The following PIK3R1 variants were observed in gnomAD, a reference collection of about 807,000 sequenced individuals.
PIK3R1 encodes phosphatidylinositol 3-kinase regulatory subunit alpha.
PIK3R1 carries 29 observed loss-of-function variants against 98.0 expected under a neutral mutation model. That is an observed-to-expected ratio of 0.30 (90% CI 0.22 to 0.40). The LOEUF (loss-of-function observed/expected upper bound fraction) is 0.40, where lower values mean the gene tolerates loss of function less well. PIK3R1 is among the 10% of genes least tolerant of loss of function. PIK3R1 has a pLI of 1.00. For missense variants in PIK3R1, 596 were observed against 872.7 expected, an observed-to-expected ratio of 0.68 and a Z score of 3.99; for synonymous variants, 282 against 311.8, an observed-to-expected ratio of 0.90 and a Z score of 1.01.
At chr5:68,255,836 G>A (rs1745493275) in intron 2 of PIK3R1, among the ~76,000 whole-genome samples, 1 of 152,190 alleles carries the variant, frequency 6.6e-6, no homozygotes, top group South Asian at 2.1e-4. Context: ...CCAAAAAGTG[G>A]TGATTATTTG....
rs558284232 is a variant in PIK3R1, at chr5:68,242,689, C to T, written c.334+15680C>T. On this transcript the variant is annotated intron_variant, in intron 2 of 15. Transcript: ENST00000521381. ...GAAATGGGAGGTATGCTGAGTTGAA[C>T]GGGATAGCCCAAGGCCTGTCCATGA... Among the ~76,000 whole-genome samples the T allele has an allele frequency of 6.6e-5, 10 of 152,286 alleles. No individual in the cohort carries two copies. The South Asian group carries it at 1.0e-3, about 16-fold the overall frequency.
intron 14 of PIK3R1, 66 bp from the exon 15 acceptor site, chr5:68,296,105 A>G: frequency 4.0e-6 from 6 of 1,509,212 alleles, no homozygotes; most frequent in Non-Finnish European, 4.6e-6. Flanking sequence ...TGCCTAGGGA[A>G]GACAGCAAGG....
In PIK3R1 at chr5:68,226,395, C is replaced by A; in HGVS notation, c.-281C>A. The A allele has an allele frequency of 2.1e-6, 1 of 474,696 alleles. No individual in the cohort carries two copies. The highest frequency in any genetic ancestry group is 5.4e-5 in the South Asian group (1 of 18,400). The allele number at this position is 474,696 out of a possible 1,614,324, so 29.4% of individuals were successfully genotyped here. A position where few individuals can be genotyped will look rare whatever the true frequency, so the allele number is the denominator to read the frequency against. The stretch of plus-strand genomic sequence containing the variant: ...CTCGCTGTGAGAGTCAGCCTGGATT[C>A]AAAGTGTTGACAAGTTGCTGAAAAG... On this transcript the variant is annotated 5_prime_UTR_variant, in exon 2 of 16. Transcript: ENST00000521381.
chr5:68,224,309 G>A lies in PIK3R1; in HGVS notation c.-386-1981G>A, dbSNP rs571195724. ...AATTTGATTCTGGATCTTTCAAAAG[G>A]AAAGGCTTTCTTTAAACAAATAATA... On this transcript the variant is annotated intron_variant, in intron 1 of 15. Coordinates refer to ENST00000521381, the MANE Select transcript of PIK3R1 (RefSeq NM_181523.3). Among the ~76,000 whole-genome samples, 4 of 152,256 alleles carry A rather than the reference G, an allele frequency of 2.6e-5. No homozygotes were observed. In the East Asian group the frequency reaches 7.7e-4, roughly 29 times the overall value.
chr5:68,293,771 T>G lies in PIK3R1; in HGVS notation c.1362T>G (p.Thr454=), dbSNP rs1561298147. ...AVGKKLHEYN[T]QFQEKSREYD... ...GGAAAAAATTACATGAATATAACAC[T>G]CAGTTTCAAGAAAAAAGTCGAGAAT... Residue 454 remains threonine, a synonymous_variant, in exon 11 of 16, where the codon ACT becomes ACG. Coordinates refer to ENST00000521381, the MANE Select transcript of PIK3R1 (RefSeq NM_181523.3). 1 of 1,552,788 alleles carries G rather than the reference T, an allele frequency of 6.4e-7. No homozygotes were observed.
At chr5:68,286,472 A>G (rs1308643517) in intron 7 of PIK3R1, among the ~76,000 whole-genome samples, 2 of 152,220 alleles carry the variant, frequency 1.3e-5, no homozygotes, top group Non-Finnish European at 2.9e-5. Context: ...TTTTCTCCCA[A>G]AGCAGGAATT....
At chr5:68,279,492 C>T (rs1746727478) in intron 4 of PIK3R1, 110 bp from the exon 5 acceptor site, 1 of 781,384 alleles carries the variant, frequency 1.3e-6, no homozygotes, top group Non-Finnish European at 2.0e-6. Flanking sequence ...ATATTGCTTC[C>T]TTATTTTTTT....
Position 68,226,926 on chromosome 5 carries a change from C to G in PIK3R1, c.251C>G (p.Pro84Arg), listed in dbSNP as rs772928652. Residue 84 changes from proline to arginine, a missense_variant, in exon 2 of 16, where the codon CCT becomes CGT. Transcript: ENST00000521381. The stretch of plus-strand genomic sequence containing the variant: ...TATATTGGAAGGAAAAAAATCTCGC[C>G]TCCCACACCAAAGCCCCGGCCACCT... ...VEYIGRKKIS[P>R]PTPKPRPPRP... The G allele has an allele frequency of 1.2e-6, 2 of 1,614,144 alleles. No individual in the cohort carries two copies. The highest frequency in any genetic ancestry group is 2.2e-5 in the South Asian group (2 of 91,086).
chr5:68,232,547 G>A (rs1190728503), intron 2 of PIK3R1, among the ~76,000 whole-genome samples: 1 of 152,180 alleles, frequency 6.6e-6, no homozygotes, highest in Non-Finnish European at 1.5e-5. Context: ...GTTATTTGAA[G>A]GGAATCACTT....
At chr5:68,282,175 G>A (rs1446760048) in intron 7 of PIK3R1, among the ~76,000 whole-genome samples, 3 of 152,176 alleles carry the variant, frequency 2.0e-5, no homozygotes, top group Non-Finnish European at 2.9e-5. Context: ...GGTAAACTAC[G>A]TCAAAGAAGA....
At chr5:68,262,306 T>C (rs1164953527) in intron 2 of PIK3R1, among the ~76,000 whole-genome samples, 1 of 151,068 alleles carries the variant, frequency 6.6e-6, no homozygotes, top group Non-Finnish European at 1.5e-5. Flanking sequence ...CACTCATTAC[T>C]CAAATATCAC....
intron 2 of PIK3R1, among the ~76,000 whole-genome samples, chr5:68,271,793 A>T (rs1225069994): frequency 7.4e-6 from 1 of 134,462 alleles, no homozygotes; most frequent in East Asian, 2.1e-4. Flanking sequence ...AGGTGGAAAG[A>T]TCATGCATCC....
chr5:68,247,154 G>A (rs1745131038), intron 2 of PIK3R1, among the ~76,000 whole-genome samples: 1 of 152,160 alleles, frequency 6.6e-6, no homozygotes. Flanking sequence ...CCTGTGCTTT[G>A]AATTTATCAT....
intron 2 of PIK3R1, among the ~76,000 whole-genome samples, chr5:68,240,442 G>A (rs866583738): frequency 4.1e-4 from 63 of 152,220 alleles, no homozygotes; most frequent in Admixed American, 6.5e-5. Flanking sequence ...ACATATTGGA[G>A]CATAAAATTC....
At chr5:68,239,706 G>A (rs980749409) in intron 2 of PIK3R1, among the ~76,000 whole-genome samples, 2 of 152,178 alleles carry the variant, frequency 1.3e-5, no homozygotes, top group Non-Finnish European at 2.9e-5. Flanking sequence ...TGTTCACACT[G>A]CTTGATGCTG....
At chr5:68,254,102 TA>T (rs1745425021) in intron 2 of PIK3R1, among the ~76,000 whole-genome samples, 1 of 152,004 alleles carries the variant, frequency 6.6e-6, no homozygotes, top group African/African-American at 2.4e-5. Flanking sequence ...GAATGTTGTA[TA>T]AATCAGTTGA....
chr5:68,216,545 G>A (rs988917712), intron 1 of PIK3R1, among the ~76,000 whole-genome samples: 1 of 152,194 alleles, frequency 6.6e-6, no homozygotes. Flanking sequence ...AGTGCGCCTC[G>A]GGGCGGTTGG....
intron 5 of PIK3R1, 190 bp from the exon 6 acceptor site, chr5:68,280,338 C>T: frequency 1.7e-6 from 1 of 593,482 alleles, no homozygotes; most frequent in East Asian, 2.7e-5. Context: ...TCCATTTGAC[C>T]TGAGATTTCT....
Position 68,226,841 on chromosome 5 carries a change from T to C in PIK3R1, c.166T>C (p.Leu56=). 2.5e-6 allele frequency: 4 copies of C among 1,614,052 alleles called. No homozygotes were observed. The highest frequency in any genetic ancestry group is 3.4e-6 in the Non-Finnish European group (4 of 1,180,008). Residue 56 remains leucine, a synonymous_variant, in exon 2 of 16, where the codon TTA becomes CTA. Coordinates refer to ENST00000521381, the MANE Select transcript of PIK3R1 (RefSeq NM_181523.3). ...AGCCAGGCCTGAAGAAATTGGCTGG[T>C]TAAATGGCTATAATGAAACCACAGG... ...QEARPEEIGW[L]NGYNETTGER... is the part of the protein sequence containing the mutation.
Sources: allele counts gnomAD v4.1 joint callset (sites outside exome capture counted in the v4.1 genomes callset), GRCh38; gene constraint gnomAD v4.1.1; transcripts MANE v1.5; gene names NCBI Gene and HGNC (gene_info 2026-07-23, HGNC 2026-07-21).